The following CNTNAP5 variants were observed in gnomAD, a reference collection of about 807,000 sequenced individuals.
The protein encoded by CNTNAP5 is contactin associated protein family member 5, also known as contactin-associated protein-like 5.
In CNTNAP5, 72 loss-of-function variants were observed where a neutral mutation model predicts 150.2. The ratio of observed to expected loss-of-function variants is 0.48; its 90% CI spans 0.40 to 0.58. The LOEUF is 0.58. Ranked by LOEUF, CNTNAP5 falls within the 20% of genes least tolerant of loss-of-function variation. The pLI is 0.00. For synonymous variants in CNTNAP5, 672 were observed against 619.8 expected (o/e 1.08, Z -1.25); for missense variants, 1,636 against 1,626.2 (o/e 1.01, Z -0.10).
At chr2:124,474,229 A>C (rs1477420743) in intron 6 of CNTNAP5, among the ~76,000 whole-genome samples, 1 of 152,086 alleles carries the variant, frequency 6.6e-6, no homozygotes, top group Non-Finnish European at 1.5e-5. Context: ...TGCTTTACAA[A>C]ACTATATAGA....
At chr2:124,634,854 C>T (rs1677939446) in intron 12 of CNTNAP5, among the ~76,000 whole-genome samples, 1 of 152,102 alleles carries the variant, frequency 6.6e-6, no homozygotes, top group Non-Finnish European at 1.5e-5. Context: ...GATATTATTG[C>T]CCATATGACT....
At chr2:124,640,775 A>G (rs1678074222) in intron 12 of CNTNAP5, among the ~76,000 whole-genome samples, 1 of 152,138 alleles carries the variant, frequency 6.6e-6, no homozygotes, top group Non-Finnish European at 1.5e-5. Context: ...TCGCTTCAAC[A>G]GAACGGTTCA....
At chr2:124,308,061 A>T (rs934586487) in intron 3 of CNTNAP5, among the ~76,000 whole-genome samples, 1 of 152,208 alleles carries the variant, frequency 6.6e-6, no homozygotes, top group Non-Finnish European at 1.5e-5. Flanking sequence ...ACACTTGGCT[A>T]TAATGTTAAT....
At chr2:124,137,063 G>T (rs900126789) in intron 1 of CNTNAP5, among the ~76,000 whole-genome samples, 1 of 151,956 alleles carries the variant, frequency 6.6e-6, no homozygotes, top group Admixed American at 6.6e-5. Context: ...GACTTATATT[G>T]TGCTGAGTTC....
At chr2:124,505,218 A>G (rs118036089) in intron 8 of CNTNAP5, among the ~76,000 whole-genome samples, 1 of 152,274 alleles carries the variant, frequency 6.6e-6, no homozygotes, top group East Asian at 1.9e-4. Context: ...TTCATATGGA[A>G]TCTTCACCAT....
Position 124,119,377 on chromosome 2 carries a change from A to C in CNTNAP5, c.82+93645A>C, listed in dbSNP as rs573521891. 2.9e-3 allele frequency among the ~76,000 whole-genome samples: 407 copies of C among 141,612 alleles called. 2 individuals carry two copies. The highest frequency in any genetic ancestry group is 0.01 in the African/African-American group (394 of 37,834). 92.9% of individuals were successfully genotyped at this position (141,612 alleles called of 152,430 possible). On this transcript the variant is annotated intron_variant, in intron 1 of 23. Coordinates refer to ENST00000682447, the MANE Select transcript of CNTNAP5 (RefSeq NM_001367498.1). ...GAGCAGGAAGCTTTTTTTTTTTTTT[A>C]ATGCCTGTTGTATACTTGATCCTTA...
At chr2:124,130,844 A>T (rs190422879) in intron 1 of CNTNAP5, among the ~76,000 whole-genome samples, 64 of 152,316 alleles carry the variant, frequency 4.2e-4, no homozygotes, top group Admixed American at 8.5e-4. Context: ...TGGTCAGAGC[A>T]GACATTCAGA....
chr2:124,047,040 A>G (rs556343941), intron 1 of CNTNAP5, among the ~76,000 whole-genome samples: 5 of 152,338 alleles, frequency 3.3e-5, no homozygotes, highest in African/African-American at 1.2e-4. Flanking sequence ...TTAAGTATCA[A>G]TCACAGCCTA....
In CNTNAP5 at chr2:124,180,773, C is replaced by T. The variant is rs1477806147; in HGVS notation, c.83-40932C>T. 3.5e-5 allele frequency among the ~76,000 whole-genome samples: 5 copies of T among 143,728 alleles called. No individual in the cohort carries two copies. In the East Asian group the frequency reaches 1.1e-3, roughly 31 times the overall value. The allele number at this position is 143,728 out of a possible 152,430, so 94.3% of individuals were successfully genotyped here. On this transcript the variant is annotated intron_variant, in intron 1 of 23. Transcript: ENST00000682447. Reference sequence around the variant, plus strand: ...GTCTGGATTTCAGGAAATGAAAGCCCCCCCAATCTCCCCCCAAATAATTCA... The same window carrying T: ...GTCTGGATTTCAGGAAATGAAAGCCTCCCCAATCTCCCCCCAAATAATTCA...
rs1021540232 is a variant in CNTNAP5, at chr2:124,361,099, A to T, written c.382-56344A>T. Among the ~76,000 whole-genome samples the T allele has an allele frequency of 1.5e-3, 213 of 145,658 alleles. 2 individuals are homozygous for T. Among genetic ancestry groups the T allele is most frequent in the African/African-American group, 5.2e-3 (201 of 38,800 alleles). The stretch of plus-strand genomic sequence containing the variant: ...GATACCCTTTCTTCCAGTTGATCGC[A>T]TCGGCTCCTGAGGCTTCTGCATTCT... On this transcript the variant is annotated intron_variant, in intron 3 of 23. Transcript: ENST00000682447.
At chr2:124,678,027 C>G (rs1441382417) in intron 13 of CNTNAP5, among the ~76,000 whole-genome samples, 1 of 151,916 alleles carries the variant, frequency 6.6e-6, no homozygotes, top group African/African-American at 2.4e-5. Flanking sequence ...TCCCACATGT[C>G]TTAAGTCTCT....
chr2:124,887,124 A>T (rs182890955), intron 21 of CNTNAP5, among the ~76,000 whole-genome samples: 1 of 152,116 alleles, frequency 6.6e-6, no homozygotes, highest in Admixed American at 6.6e-5. Context: ...AGAAATTCCT[A>T]ATTTATAGTA....
chr2:124,531,804 T>C (rs542451239), intron 10 of CNTNAP5, among the ~76,000 whole-genome samples: 2 of 152,252 alleles, frequency 1.3e-5, no homozygotes, highest in East Asian at 3.9e-4. Context: ...CATTTTCCAA[T>C]TGTCGACCTA....
At chr2:124,122,408 C>T (rs971004762) in intron 1 of CNTNAP5, among the ~76,000 whole-genome samples, 46 of 152,010 alleles carry the variant, frequency 3.0e-4, no homozygotes, top group African/African-American at 9.4e-4. Flanking sequence ...TTTATCAGAC[C>T]AAGTATAAAG....
rs1318960988 is a variant in CNTNAP5, at chr2:124,763,818, G to A, written c.2362+19G>A. ...GGTGACCGTGAGTACAAAATCGAAA[G>A]AAGCTTTCTCTCTGCATTACATGAG... On this transcript the variant is annotated intron_variant, in intron 15 of 23. Transcript: ENST00000682447. 1 of 1,612,492 alleles carries A rather than the reference G, an allele frequency of 6.2e-7. No homozygotes were observed. The highest frequency in any genetic ancestry group is 1.7e-5 in the Admixed American group (1 of 59,778).
chr2:124,211,255 A>G (rs1402724967), intron 1 of CNTNAP5, among the ~76,000 whole-genome samples: 1 of 152,190 alleles, frequency 6.6e-6, no homozygotes, highest in Non-Finnish European at 1.5e-5. Context: ...GGAACTGGAG[A>G]TGATCCACTT....
chr2:124,066,685 A>T (rs1434890837), intron 1 of CNTNAP5, among the ~76,000 whole-genome samples: 1 of 152,090 alleles, frequency 6.6e-6, no homozygotes, highest in Non-Finnish European at 1.5e-5. Flanking sequence ...CTTATTATTT[A>T]AAAAAATCAG....
chr2:124,109,795 G>A (rs1683254885), intron 1 of CNTNAP5, among the ~76,000 whole-genome samples: 2 of 152,180 alleles, frequency 1.3e-5, no homozygotes, highest in Non-Finnish European at 2.9e-5. Context: ...AGAGATACCA[G>A]GAAGAAAGTA....
intron 1 of CNTNAP5, among the ~76,000 whole-genome samples, chr2:124,039,905 G>T (rs1681321366): frequency 6.6e-6 from 1 of 151,688 alleles, no homozygotes; most frequent in Non-Finnish European, 1.5e-5. Flanking sequence ...TTTTTTCATG[G>T]TTAGTGCACC....
Sources: gnomAD v4.1 joint callset for allele counts (sites outside exome capture counted in the v4.1 genomes callset) on GRCh38, gnomAD v4.1.1 for gene constraint, MANE v1.5 for transcripts, NCBI Gene and HGNC (gene_info 2026-07-23, HGNC 2026-07-21) for gene names.